LASP1: variants seen among roughly 807,000 people sequenced by gnomAD.
LASP1 encodes the protein LIM and SH3 domain protein 1.
Under a neutral mutation model 38.6 loss-of-function variants are expected in LASP1, and 10 were observed. The observed-to-expected ratio is 0.26, with a 90% confidence interval of 0.16 to 0.44. The LOEUF (loss-of-function observed/expected upper bound fraction) is 0.44. LASP1 is among the 20% of genes least tolerant of loss of function. LASP1 has a pLI of 1.00. For missense variants in LASP1, 243 were observed against 375.7 expected (o/e 0.65, Z 2.92); for synonymous variants, 132 against 140.8 (o/e 0.94, Z 0.44).
At chr17:38,875,661 G>A (rs951287061) in intron 1 of LASP1, among the ~76,000 whole-genome samples, 4 of 152,112 alleles carry the variant, frequency 2.6e-5, no homozygotes, top group African/African-American at 9.7e-5. Context: ...TACCCTATTA[G>A]AAGGTGATTT....
chr17:38,873,085 T>C (rs572308702), intron 1 of LASP1, among the ~76,000 whole-genome samples: 56 of 152,258 alleles, frequency 3.7e-4, no homozygotes, highest in African/African-American at 1.3e-3. Flanking sequence ...AGCTGTGTTG[T>C]CAAGAACCTC....
chr17:38,897,309 A>G (rs1225598204), intron 3 of LASP1, among the ~76,000 whole-genome samples: 1 of 152,252 alleles, frequency 6.6e-6, no homozygotes, highest in Non-Finnish European at 1.5e-5. Flanking sequence ...CAGTCGCTCC[A>G]GTCCAAGCAC....
chr17:38,877,578 T>C (rs1409947998), intron 1 of LASP1, among the ~76,000 whole-genome samples: 1 of 152,162 alleles, frequency 6.6e-6, no homozygotes, highest in East Asian at 1.9e-4. Flanking sequence ...GTGGGTGTGC[T>C]GGGCCCTGGT....
intron 1 of LASP1, among the ~76,000 whole-genome samples, chr17:38,870,535 G>T (rs1913569617): frequency 6.6e-6 from 1 of 152,220 alleles, no homozygotes; most frequent in Non-Finnish European, 1.5e-5. Flanking sequence ...GAGCAGGGAA[G>T]TCAGGCGCCG....
intron 5 of LASP1, among the ~76,000 whole-genome samples, 153 bp downstream of exon 5, chr17:38,914,628 G>A (rs1421216599): frequency 6.6e-6 from 1 of 151,740 alleles, no homozygotes; most frequent in Non-Finnish European, 1.5e-5. Flanking sequence ...GGGGACCAGA[G>A]GACCTGAGGC....
chr17:38,890,284 A>G lies in LASP1; in HGVS notation c.165-136A>G, dbSNP rs1432419933. 8 of 709,806 alleles carry G rather than the reference A, an allele frequency of 1.1e-5. No individual in the cohort carries two copies. In the Admixed American group the frequency reaches 1.2e-4, roughly 11 times the overall value. 44.0% of individuals were successfully genotyped at this position (709,806 alleles called of 1,614,324 possible). On this transcript the variant is annotated intron_variant, in intron 2 of 6. Coordinates refer to ENST00000318008, the MANE Select transcript of LASP1 (RefSeq NM_006148.4). ...CCCTCGGCCTTGGTGGTGGACACTG[A>G]AGTCCTCCTGTGGGGCCGGGCCAGG...
chr17:38,900,812 A>T (rs1476201517), intron 4 of LASP1, among the ~76,000 whole-genome samples: 1 of 152,100 alleles, frequency 6.6e-6, no homozygotes, highest in Non-Finnish European at 1.5e-5. Context: ...TAGGGCGGGC[A>T]CTCTAATCCT....
intron 4 of LASP1, among the ~76,000 whole-genome samples, chr17:38,910,802 G>A (rs569069779): frequency 2.7e-5 from 4 of 147,514 alleles, no homozygotes; most frequent in African/African-American, 7.6e-5. Context: ...GGCTCACTGC[G>A]ACCTCCGCCT....
At chr17:38,880,780 G>C (rs1175700851) in intron 2 of LASP1, among the ~76,000 whole-genome samples, 1 of 152,198 alleles carries the variant, frequency 6.6e-6, no homozygotes, top group Non-Finnish European at 1.5e-5. Context: ...CTCTGGACGT[G>C]TCTGAGCCTT....
At position 38,918,618 on chromosome 17, in the gene LASP1, C is replaced by T. The variant is rs998335975; in HGVS notation, c.626C>T (p.Ala209Val). ...APGGGGKRYR[A>V]VYDYSAADED... ...CTTCCCCCACAGAAGCGGTACCGCG[C>T]GGTGTATGACTACAGCGCCGCCGAC... Residue 209 changes from alanine (A) to valine (V), a missense_variant, in exon 7 of 7, where the codon GCG (alanine) becomes GTG (valine). Physicochemically the swap from Ala to Val is moderately conservative, Grantham distance 64. Transcript: ENST00000318008. This position sits in a 1 kb window ranked among gnomAD's most constrained non-coding sequence, Gnocchi z 4.4. 1 of 1,599,306 alleles carries T rather than the reference C, an allele frequency of 6.3e-7. No homozygotes were observed. Among genetic ancestry groups the T allele is most frequent in the Non-Finnish European group, 8.6e-7 (1 of 1,169,026 alleles).
At chr17:38,888,286 T>C (rs1396260980) in intron 2 of LASP1, among the ~76,000 whole-genome samples, 1 of 147,212 alleles carries the variant, frequency 6.8e-6, no homozygotes, top group Non-Finnish European at 1.5e-5. Context: ...TGGCGTGACT[T>C]TTTTTTTTTT....
At chr17:38,914,704 A>ATG (rs1915060437) in intron 5 of LASP1, among the ~76,000 whole-genome samples, 3 of 151,804 alleles carry the variant, frequency 2.0e-5, no homozygotes, top group Non-Finnish European at 2.9e-5. Flanking sequence ...ACACACACAC[A>ATG]CACACACACA....
chr17:38,876,213 C>G (rs773307875), intron 1 of LASP1, among the ~76,000 whole-genome samples: 58 of 139,488 alleles, frequency 4.2e-4, no homozygotes, highest in Middle Eastern at 3.8e-3. Flanking sequence ...GAGTCTTGCT[C>G]TGTCACCCAG....
chr17:38,870,083 T>TCGCTGCTGCCTGTGTAGTTGCAGC lies in LASP1; in HGVS notation c.-103_-80dup. ...GCCAGTTCCCCAGCTCCAGCCGCCG[T>TCGCTGCTGCCTGTGTAGTTGCAGC]CGCTGCTGCCTGTGTAGTTGCAGCC... On this transcript the variant is annotated 5_prime_UTR_variant, in exon 1 of 7. Coordinates refer to ENST00000318008, the MANE Select transcript of LASP1 (RefSeq NM_006148.4). 3.3e-6 allele frequency: 4 copies of TCGCTGCTGCCTGTGTAGTTGCAGC among 1,214,494 alleles called. No individual in the cohort carries two copies. The highest frequency in any genetic ancestry group is 4.7e-6 in the Non-Finnish European group (4 of 842,630). 75.2% of individuals were successfully genotyped at this position (1,214,494 alleles called of 1,614,324 possible).
Position 38,915,047 on chromosome 17 carries a change from C to CCAGCAGCCCCAG in LASP1, c.522_533dup (p.Gln175_Pro178dup). On this transcript the variant is annotated inframe_insertion, in exon 6 of 7. Transcript: ENST00000318008. The stretch of plus-strand genomic sequence containing the variant: ...CTGTCTCCTCCCATCTTCCAGTTTA[C>CCAGCAGCCCCAG]CAGCAGCCCCAGCAGCAGCCGGTGG... 1 of 1,613,882 alleles carries CCAGCAGCCCCAG rather than the reference C, an allele frequency of 6.2e-7. No individual in the cohort carries two copies.
At chr17:38,885,781 A>T (rs1447570467) in intron 2 of LASP1, among the ~76,000 whole-genome samples, 4 of 152,118 alleles carry the variant, frequency 2.6e-5, no homozygotes, top group Non-Finnish European at 5.9e-5. Context: ...CCCTGCTGGG[A>T]TCTAGGGGTA....
At chr17:38,884,685 G>A (rs1242811005) in intron 2 of LASP1, among the ~76,000 whole-genome samples, 8 of 133,224 alleles carry the variant, frequency 6.0e-5, no homozygotes, top group Non-Finnish European at 1.3e-4. Context: ...CACCACGTCC[G>A]GCTTTTTTTT....
chr17:38,898,777 ACT>A (rs1183750762), intron 4 of LASP1: 2 of 550,830 alleles, frequency 3.6e-6, no homozygotes, highest in Non-Finnish European at 6.9e-6. Flanking sequence ...ATCAGCCCCC[ACT>A]CTCTCTGACT....
chr17:38,915,742 T>C (rs569502), intron 6 of LASP1: 107,605 of 151,996 alleles, frequency 0.71, 39,108 homozygotes, highest in African/African-American at 0.88. Flanking sequence ...CCAGCAGGAA[T>C]GGGGTGAGAT....
Sources: gnomAD v4.1 joint callset for allele counts (sites outside exome capture counted in the v4.1 genomes callset) on GRCh38, gnomAD v4.1.1 for gene constraint, Gnocchi (gnomAD v3.1) non-coding constraint, MANE v1.5 for transcripts, NCBI Gene and HGNC (gene_info 2026-07-23, HGNC 2026-07-21) for gene names.